GATAD2A: variants seen among roughly 807,000 people sequenced by gnomAD.
GATAD2A encodes GATA zinc finger domain containing 2A.
GATAD2A carries 12 observed loss-of-function variants against 68.5 expected under a neutral mutation model. The observed-to-expected ratio is 0.18, with a 90% confidence interval of 0.11 to 0.28. GATAD2A has a LOEUF of 0.28. Ranked by LOEUF, GATAD2A falls within the 10% of genes least tolerant of loss-of-function variation. GATAD2A has a pLI of 1.00. For synonymous variants in GATAD2A, 410 were observed against 375.3 expected, an observed-to-expected ratio of 1.09 and a Z score of -1.07; for missense variants, 755 against 868.5, an observed-to-expected ratio of 0.87 and a Z score of 1.64.
chr19:19,486,843 G>A (rs1168776094), intron 2 of GATAD2A, among the ~76,000 whole-genome samples: 1 of 152,202 alleles, frequency 6.6e-6, no homozygotes, highest in Non-Finnish European at 1.5e-5. Flanking sequence ...TGCGGGACAG[G>A]GATTCCTCTG....
At chr19:19,390,492 T>C (rs1378696146) in intron 1 of GATAD2A, among the ~76,000 whole-genome samples, 1 of 152,172 alleles carries the variant, frequency 6.6e-6, no homozygotes, top group Non-Finnish European at 1.5e-5. Context: ...ACTCCCCTAC[T>C]GCGTCTCTTA....
At chr19:19,487,340 A>G (rs1269922953) in intron 2 of GATAD2A, among the ~76,000 whole-genome samples, 2 of 152,052 alleles carry the variant, frequency 1.3e-5, no homozygotes, top group East Asian at 1.9e-4. Flanking sequence ...GGAGGTCGTG[A>G]TGGCCCCCAG....
At chr19:19,484,641 C>T (rs1244930734) in intron 2 of GATAD2A, among the ~76,000 whole-genome samples, 1 of 145,040 alleles carries the variant, frequency 6.9e-6, no homozygotes, top group African/African-American at 2.5e-5. Flanking sequence ...TCATGCCATT[C>T]TCCTGCCTCA....
chr19:19,441,712 C>G (rs2147661720), intron 1 of GATAD2A: 2 of 173,450 alleles, frequency 1.2e-5, no homozygotes, highest in South Asian at 8.2e-5. Flanking sequence ...CTACAGGCGC[C>G]TGCCACAACG....
At chr19:19,478,902 T>C (rs1568322368) in intron 2 of GATAD2A, among the ~76,000 whole-genome samples, 2 of 152,338 alleles carry the variant, frequency 1.3e-5, no homozygotes, top group East Asian at 3.8e-4. Flanking sequence ...AACTTATTAT[T>C]AAAAATCTAT....
chr19:19,420,005 CTTTTTTTTTT>C (rs397859927), intron 1 of GATAD2A, among the ~76,000 whole-genome samples: 4 of 68,714 alleles, frequency 5.8e-5, no homozygotes, highest in South Asian at 5.5e-4. Context: ...ACCATCTTGA[CTTTTTTTTTT>C]TTTTTTTTTT....
Position 19,507,276 on chromosome 19 carries a change from T to G in GATAD2A, c.*1802T>G. On this transcript the variant is annotated 3_prime_UTR_variant, in exon 12 of 12. Transcript: ENST00000683918. Reference sequence around the variant, plus strand: ...CAAAAAAAAAAAAAAAAATCAAGAGTATGCAAGCATTTCTATTCCTCGCAT... The same window carrying G: ...CAAAAAAAAAAAAAAAAATCAAGAGGATGCAAGCATTTCTATTCCTCGCAT... The G allele has an allele frequency of 6.9e-6, 1 of 145,824 alleles. No homozygotes were observed. Among genetic ancestry groups the G allele is most frequent in the African/African-American group, 2.6e-5 (1 of 39,106 alleles). The allele number at this position is 145,824 out of a possible 1,614,324, so 9.0% of individuals were successfully genotyped here.
At chr19:19,484,538 T>TC (rs1555715986) in intron 2 of GATAD2A, among the ~76,000 whole-genome samples, 2 of 141,864 alleles carry the variant, frequency 1.4e-5, no homozygotes, top group Admixed American at 7.0e-5. Flanking sequence ...TTTTCTTTTT[T>TC]TTTTTTTTTT....
At chr19:19,413,261 C>T (rs986007580) in intron 1 of GATAD2A, among the ~76,000 whole-genome samples, 5 of 152,198 alleles carry the variant, frequency 3.3e-5, no homozygotes, top group Admixed American at 1.3e-4. Context: ...CGTTCACATC[C>T]GCAGAGGAAC....
intron 1 of GATAD2A, chr19:19,457,084 T>C (rs886503812): frequency 3.0e-6 from 3 of 985,176 alleles, no homozygotes; most frequent in African/African-American, 3.5e-5. Context: ...GTCCTTCAAC[T>C]CAGAGCACTC....
At chr19:19,478,951 AGC>A in intron 2 of GATAD2A, among the ~76,000 whole-genome samples, 1 of 152,374 alleles carries the variant, frequency 6.6e-6, no homozygotes, top group African/African-American at 2.4e-5. Flanking sequence ...CTAAGAAGGC[AGC>A]TGCTAGGTTC....
At chr19:19,457,106 A>C (rs1458363346) in intron 1 of GATAD2A, 19 of 985,258 alleles carry the variant, frequency 1.9e-5, no homozygotes, top group Non-Finnish European at 2.0e-5. Flanking sequence ...TATCTGTGAC[A>C]CCTCTGCCCA....
At chr19:19,500,981 G>T in intron 8 of GATAD2A, 137 bp from the exon 9 acceptor site, 1 of 764,844 alleles carries the variant, frequency 1.3e-6, no homozygotes, top group South Asian at 1.8e-5. Context: ...ATGTCCACAT[G>T]TCATTGGTGC....
chr19:19,454,130 C>T (rs1304331024), intron 1 of GATAD2A, among the ~76,000 whole-genome samples: 6 of 151,328 alleles, frequency 4.0e-5, no homozygotes, highest in Admixed American at 2.0e-4. Context: ...CTGGAGTAGC[C>T]GGGAGTATAG....
intron 2 of GATAD2A, among the ~76,000 whole-genome samples, chr19:19,474,866 A>G (rs2058563677): frequency 6.6e-6 from 1 of 152,124 alleles, no homozygotes. Context: ...AGTTTTAGCC[A>G]CTGGGTCCCC....
intron 7 of GATAD2A, 64 bp downstream of exon 7, chr19:19,496,283 A>G: frequency 6.9e-7 from 1 of 1,452,866 alleles, no homozygotes. Flanking sequence ...CTCCCCTTGG[A>G]CCCAGGTTCT....
Position 19,464,517 on chromosome 19 carries a change from A to G in GATAD2A, c.-6-823A>G, listed in dbSNP as rs557810694. Among the ~76,000 whole-genome samples, 43 of 152,220 alleles carry G rather than the reference A, an allele frequency of 2.8e-4. No homozygotes were observed. In the East Asian group the frequency reaches 7.7e-3, roughly 27 times the overall value. On this transcript the variant is annotated intron_variant, in intron 1 of 11. Transcript: ENST00000683918. ...CGTCCTGTCTCCGTGAGGGTTAACA[A>G]CACTTCAGCCTGTTGTCTGGAACCG...
chr19:19,496,776 G>A (rs1417593089), intron 7 of GATAD2A, among the ~76,000 whole-genome samples: 1 of 152,238 alleles, frequency 6.6e-6, no homozygotes, highest in Non-Finnish European at 1.5e-5. Context: ...GATGGGAAGA[G>A]CAGAACCAAG....
At position 19,498,480 on chromosome 19, in the gene GATAD2A, C is replaced by T. The variant is rs373128961; in HGVS notation, c.962C>T (p.Ser321Phe). ...PASLKGTTAT[S>F]AQANSTPTSV... ...TCACTGAAGGGGACAACAGCCACCTCCGCTCAGGCCAACTCCACCCCCACT... is the reference window on the plus strand; with the variant it reads ...TCACTGAAGGGGACAACAGCCACCTTCGCTCAGGCCAACTCCACCCCCACT... Residue 321 changes from serine to phenylalanine, a missense_variant, in exon 8 of 12, where the codon TCC (serine) becomes TTC (phenylalanine). Transcript: ENST00000683918. The T allele has an allele frequency of 9.3e-6, 15 of 1,612,482 alleles. No homozygotes were observed. The highest frequency in any genetic ancestry group is 5.0e-5 in the Admixed American group (3 of 59,994).
Sources: gnomAD v4.1 joint callset for allele counts (sites outside exome capture counted in the v4.1 genomes callset) on GRCh38, gnomAD v4.1.1 for gene constraint, MANE v1.5 for transcripts, NCBI Gene and HGNC (gene_info 2026-07-23, HGNC 2026-07-21) for gene names.